Variants in GPATCH1 observed in about 807,000 individuals in gnomAD.
GPATCH1 encodes G-patch domain containing 1, also known as G patch domain-containing protein 1.
Under a neutral mutation model 114.9 loss-of-function variants are expected in GPATCH1, and 73 were observed. The ratio of observed to expected loss-of-function variants is 0.64; its 90% CI spans 0.53 to 0.77. The LOEUF (loss-of-function observed/expected upper bound fraction) is 0.77, where lower values mean the gene tolerates loss of function less well. GPATCH1 is among the 30% of genes least tolerant of loss of function. The pLI is 0.00. For synonymous variants in GPATCH1, 391 were observed against 428.4 expected, an observed-to-expected ratio of 0.91 and a Z score of 1.08; for missense variants, 1,058 against 1,144.3, an observed-to-expected ratio of 0.92 and a Z score of 1.09.
At chr19:33,121,566 G>A (rs1049889138) in intron 17 of GPATCH1, among the ~76,000 whole-genome samples, 2 of 151,972 alleles carry the variant, frequency 1.3e-5, no homozygotes, top group African/African-American at 2.4e-5. Flanking sequence ...TGATCTGCCC[G>A]CCTCAGCCTC....
In GPATCH1 at chr19:33,094,236, C is replaced by A; in HGVS notation, c.520C>A (p.Arg174=). The change falls in exon 5 of 20, where the codon CGA becomes AGA. Residue 174 remains arginine, a synonymous_variant. Transcript: ENST00000170564. Reference sequence around the variant, plus strand: ...GAAAGAAGGACAAGGAGTTGGTCCTCGAGTAAAGAGACGGCCACGCCGACA... The same window carrying A: ...GAAAGAAGGACAAGGAGTTGGTCCTAGAGTAAAGAGACGGCCACGCCGACA... The part of the protein sequence containing the change: ...GWKEGQGVGP[R]VKRRPRRQKP... 1.9e-6 allele frequency: 3 copies of A among 1,607,550 alleles called. No individual in the cohort carries two copies. Among genetic ancestry groups the A allele is most frequent in the South Asian group, 2.2e-5 (2 of 90,938 alleles).
intron 17 of GPATCH1, among the ~76,000 whole-genome samples, chr19:33,120,638 T>C (rs892924954): frequency 6.6e-6 from 1 of 150,996 alleles, no homozygotes; most frequent in Non-Finnish European, 1.5e-5. Context: ...GACAGATCGC[T>C]TGAGCCCAGT....
intron 8 of GPATCH1, among the ~76,000 whole-genome samples, chr19:33,100,446 G>T (rs1295868169): frequency 6.6e-6 from 1 of 151,946 alleles, no homozygotes; most frequent in Non-Finnish European, 1.5e-5. Context: ...AAATTAGCTG[G>T]GTGTGGTGGC....
At chr19:33,092,163 C>T (rs1446196236) in intron 3 of GPATCH1, among the ~76,000 whole-genome samples, 1 of 152,002 alleles carries the variant, frequency 6.6e-6, no homozygotes, top group Non-Finnish European at 1.5e-5. Context: ...TCTCCTGCCT[C>T]AGCTTCCCCC....
chr19:33,097,267 T>G (rs149480281), intron 7 of GPATCH1, among the ~76,000 whole-genome samples: 43 of 151,244 alleles, frequency 2.8e-4, no homozygotes, highest in African/African-American at 9.2e-4. Flanking sequence ...TATAAACGTG[T>G]TTTTTTTTCA....
chr19:33,118,964 T>C (rs1359383807), intron 16 of GPATCH1, 46 bp from the exon 17 acceptor site: 4 of 1,167,892 alleles, frequency 3.4e-6, no homozygotes, highest in Non-Finnish European at 5.0e-6. Flanking sequence ...CTCAGAGACA[T>C]TAACATGGGG....
intron 2 of GPATCH1, among the ~76,000 whole-genome samples, 179 bp downstream of exon 2, chr19:33,088,447 G>T (rs1418707855): frequency 6.6e-6 from 1 of 150,580 alleles, no homozygotes; most frequent in Non-Finnish European, 1.5e-5. Flanking sequence ...TGGATTAAGC[G>T]ATTCTCCTGC....
chr19:33,088,293 T>G, intron 2 of GPATCH1, 25 bp downstream of exon 2: 1 of 1,527,458 alleles, frequency 6.5e-7, no homozygotes, highest in Non-Finnish European at 8.9e-7. Flanking sequence ...ATTGTAGCTA[T>G]TATACCATTA....
chr19:33,088,446 C>T (rs769098216), intron 2 of GPATCH1, among the ~76,000 whole-genome samples, 178 bp downstream of exon 2: 4 of 150,066 alleles, frequency 2.7e-5, no homozygotes, highest in Non-Finnish European at 5.9e-5. Context: ...CTGGATTAAG[C>T]GATTCTCCTG....
intron 19 of GPATCH1, among the ~76,000 whole-genome samples, chr19:33,129,127 G>A (rs956761277): frequency 7.2e-5 from 11 of 151,946 alleles, no homozygotes; most frequent in Admixed American, 6.6e-5. Flanking sequence ...CGTGCCTGTA[G>A]TCCCAGCTAC....
At chr19:33,118,917 C>G in intron 16 of GPATCH1, 93 bp from the exon 17 acceptor site, 1 of 706,624 alleles carries the variant, frequency 1.4e-6, no homozygotes, top group Non-Finnish European at 2.4e-6. Flanking sequence ...TGTGGGCAAG[C>G]ATATGTTATC....
At position 33,119,067 on chromosome 19, in the gene GPATCH1, T is replaced by G. The variant is rs778508028; in HGVS notation, c.2471T>G (p.Ile824Arg). Residue 824 changes from isoleucine (I) to arginine (R), a missense_variant, in exon 17 of 20, where the codon ATA becomes AGA. Physicochemically the swap from Ile to Arg is moderately conservative, Grantham distance 97 (BLOSUM62 -3). This residue lies in a region of GPATCH1 where 893 missense variants were observed against 977.4 expected (regional missense o/e 0.91). Transcript: ENST00000170564. Reference protein sequence around the residue: ...PPSFPIQKMQIDEREEFGPRL... With the variant: ...PPSFPIQKMQRDEREEFGPRL... The stretch of plus-strand genomic sequence containing the variant: ...TCCTTCCCGATACAAAAGATGCAGA[T>G]AGATGAAAGAGAAGAGTTCGGCCCG... 1.9e-6 allele frequency: 3 copies of G among 1,613,432 alleles called. No homozygotes were observed. The highest frequency in any genetic ancestry group is 2.5e-6 in the Non-Finnish European group (3 of 1,179,768).
intron 5 of GPATCH1, among the ~76,000 whole-genome samples, chr19:33,094,704 C>T (rs1414478914): frequency 1.3e-5 from 2 of 152,170 alleles, no homozygotes; most frequent in African/African-American, 4.8e-5. Context: ...CAAGCTGTCA[C>T]AGTTTAACAT....
intron 18 of GPATCH1, among the ~76,000 whole-genome samples, chr19:33,126,087 C>T (rs748459371): frequency 1.3e-5 from 2 of 152,176 alleles, no homozygotes; most frequent in African/African-American, 2.4e-5. Flanking sequence ...TGGCGGATGA[C>T]GGGCGTTCCC....
At chr19:33,112,370 G>A (rs945743585) in intron 12 of GPATCH1, 116 bp from the exon 13 acceptor site, 114 of 1,157,970 alleles carry the variant, frequency 9.8e-5, no homozygotes, top group Non-Finnish European at 1.3e-4. Context: ...GAGCATAAAT[G>A]TTATAGCACA....
chr19:33,101,149 T>C (rs1568342619), intron 8 of GPATCH1, among the ~76,000 whole-genome samples: 1 of 152,238 alleles, frequency 6.6e-6, no homozygotes, highest in Non-Finnish European at 1.5e-5. Context: ...GCTTGTCCTT[T>C]TGGTGGTTTT....
At chr19:33,096,062 A>G in intron 6 of GPATCH1, 145 bp from the exon 7 acceptor site, 1 of 861,192 alleles carries the variant, frequency 1.2e-6, no homozygotes. Context: ...TGTGCCAGAA[A>G]GTGATTTAGT....
chr19:33,110,881 G>A (rs2145327314), intron 11 of GPATCH1, among the ~76,000 whole-genome samples: 1 of 151,364 alleles, frequency 6.6e-6, no homozygotes, highest in South Asian at 2.1e-4. Context: ...AAGTACTTTG[G>A]GAGGCTGAGA....
At position 33,093,304 on chromosome 19, in the gene GPATCH1, G is replaced by T; in HGVS notation, c.295-55G>T. On this transcript the variant is annotated intron_variant, in intron 3 of 19. Transcript: ENST00000170564. ...TTTAACAGAAATAAAACTATGTGATGTATTGTGTATAGTCACTTTCCAAAT... is the reference window on the plus strand; with the variant it reads ...TTTAACAGAAATAAAACTATGTGATTTATTGTGTATAGTCACTTTCCAAAT... 4.4e-6 allele frequency: 5 copies of T among 1,137,288 alleles called. No individual in the cohort carries two copies. The South Asian group carries it at 5.4e-5, about 12-fold the overall frequency. 70.4% of individuals were successfully genotyped at this position (1,137,288 alleles called of 1,614,324 possible).
Sources: gnomAD v4.1 joint callset for allele counts (sites outside exome capture counted in the v4.1 genomes callset) on GRCh38, gnomAD v4.1.1 for gene constraint, gnomAD v4.1.1 regional missense constraint, MANE v1.5 for transcripts, NCBI Gene and HGNC (gene_info 2026-07-23, HGNC 2026-07-21) for gene names.